Variants in PTPRK observed in about 807,000 individuals in gnomAD.
The protein encoded by PTPRK is protein tyrosine phosphatase receptor type K, also known as receptor-type tyrosine-protein phosphatase kappa.
Under a neutral mutation model 178.0 loss-of-function variants are expected in PTPRK, and 75 were observed. The observed-to-expected ratio is 0.42, with a 90% confidence interval of 0.35 to 0.51. The LOEUF is 0.51. PTPRK is among the 20% of genes least tolerant of loss of function. The pLI is 0.02. For synonymous variants in PTPRK, 637 were observed against 620.6 expected, an observed-to-expected ratio of 1.03 and a Z score of -0.39; for missense variants, 1,441 against 1,797.8, an observed-to-expected ratio of 0.80 and a Z score of 3.59.
intron 1 of PTPRK, among the ~76,000 whole-genome samples, chr6:128,436,183 A>G (rs1845576521): frequency 6.6e-6 from 1 of 152,130 alleles, no homozygotes; most frequent in South Asian, 2.1e-4. Flanking sequence ...GATAGTCCCC[A>G]AAAGACTGGT....
intron 1 of PTPRK, among the ~76,000 whole-genome samples, chr6:128,417,419 G>A (rs1842969773): frequency 6.6e-6 from 1 of 152,134 alleles, no homozygotes; most frequent in African/African-American, 2.4e-5. Context: ...CCTCCAAAGA[G>A]AAGTTTATAC....
chr6:128,300,147 G>A (rs966562387), intron 3 of PTPRK, among the ~76,000 whole-genome samples: 1 of 152,066 alleles, frequency 6.6e-6, no homozygotes, highest in East Asian at 1.9e-4. Flanking sequence ...GCCAACAGAG[G>A]AATGCAAATC....
chr6:128,440,151 G>A (rs1846095585), intron 1 of PTPRK, among the ~76,000 whole-genome samples: 1 of 152,154 alleles, frequency 6.6e-6, no homozygotes, highest in South Asian at 2.1e-4. Context: ...ATGGATTTTG[G>A]TATGGGCAAG....
At chr6:128,116,915 G>GGC (rs1292680053) in intron 7 of PTPRK, among the ~76,000 whole-genome samples, 1 of 152,166 alleles carries the variant, frequency 6.6e-6, no homozygotes, top group Non-Finnish European at 1.5e-5. Context: ...GGGAGGCCGA[G>GGC]GCGTGTGGAT....
chr6:128,241,948 ATT>A (rs1202951832), intron 4 of PTPRK, among the ~76,000 whole-genome samples: 14 of 126,210 alleles, frequency 1.1e-4, no homozygotes, highest in African/African-American at 1.2e-4. Context: ...CGCCTGGCTA[ATT>A]TTTTTTTTTT....
intron 7 of PTPRK, among the ~76,000 whole-genome samples, chr6:128,098,389 C>T (rs1463592946): frequency 6.6e-6 from 1 of 152,076 alleles, no homozygotes; most frequent in Non-Finnish European, 1.5e-5. Flanking sequence ...TGCTAGTTGT[C>T]AGCCTATATC....
At chr6:128,253,662 C>T (rs1816835144) in intron 3 of PTPRK, among the ~76,000 whole-genome samples, 1 of 152,194 alleles carries the variant, frequency 6.6e-6, no homozygotes, top group Non-Finnish European at 1.5e-5. Flanking sequence ...AAGTAGATCA[C>T]TTCACCTGCA....
chr6:128,188,978 C>G (rs1044260929), intron 6 of PTPRK, among the ~76,000 whole-genome samples: 2 of 152,074 alleles, frequency 1.3e-5, no homozygotes, highest in Admixed American at 1.3e-4. Context: ...CACCTGCAAA[C>G]ATCATTTTTC....
At chr6:128,230,287 G>C (rs1295442641) in intron 5 of PTPRK, among the ~76,000 whole-genome samples, 1 of 152,142 alleles carries the variant, frequency 6.6e-6, no homozygotes, top group East Asian at 1.9e-4. Context: ...GCGAGGAAAG[G>C]AATAAAGGAC....
chr6:128,446,845 A>G (rs746552031), intron 1 of PTPRK, among the ~76,000 whole-genome samples: 2 of 152,210 alleles, frequency 1.3e-5, no homozygotes, highest in Non-Finnish European at 2.9e-5. Context: ...CTTTTCTAAC[A>G]ACTGCAATCT....
intron 2 of PTPRK, among the ~76,000 whole-genome samples, chr6:128,388,499 T>G (rs1839094031): frequency 6.6e-6 from 1 of 152,210 alleles, no homozygotes; most frequent in Admixed American, 6.6e-5. Context: ...TTACTTGCAC[T>G]GGAAAAGGCA....
Position 128,322,155 on chromosome 6 carries a change from C to A in PTPRK, c.379G>T (p.Val127Phe), listed in dbSNP as rs771313117. The A allele has an allele frequency of 1.9e-6, 3 of 1,613,882 alleles. No homozygotes were observed. The highest frequency in any genetic ancestry group is 2.5e-6 in the Non-Finnish European group (3 of 1,179,882). Reference sequence around the variant, plus strand: ...GCAAGAGGTCCTTTATTCACCCTAACTAATATGTTCAAAGTGCCAGGATTC... The same window carrying A: ...GCAAGAGGTCCTTTATTCACCCTAAATAATATGTTCAAAGTGCCAGGATTC... ...GLNPGTLNIL[V>F]RVNKGPLANP... Residue 127 changes from valine to phenylalanine, a missense_variant, in exon 3 of 30, where the codon GTT becomes TTT. This residue lies in a region of PTPRK where 158 missense variants were observed against 188.0 expected (regional missense o/e 0.84). Coordinates refer to ENST00000368226, the MANE Select transcript of PTPRK (RefSeq NM_002844.4).
At chr6:128,112,785 G>C (rs142966704) in intron 7 of PTPRK, among the ~76,000 whole-genome samples, 1 of 152,216 alleles carries the variant, frequency 6.6e-6, no homozygotes, top group South Asian at 2.1e-4. Flanking sequence ...AGCACATAGA[G>C]TTCAGAGGCC....
At chr6:128,315,031 A>G (rs1276820213) in intron 3 of PTPRK, among the ~76,000 whole-genome samples, 1 of 152,004 alleles carries the variant, frequency 6.6e-6, no homozygotes, top group Non-Finnish European at 1.5e-5. Flanking sequence ...AAACAAAGGA[A>G]CAACAACCAA....
intron 7 of PTPRK, among the ~76,000 whole-genome samples, 189 bp from the exon 8 acceptor site, chr6:128,090,181 C>T (rs1199483683): frequency 6.6e-6 from 1 of 152,038 alleles, no homozygotes; most frequent in Non-Finnish European, 1.5e-5. Context: ...GATTTAACAA[C>T]AGGAAAAGAA....
chr6:128,373,184 T>C (rs1056283887), intron 2 of PTPRK, among the ~76,000 whole-genome samples: 1 of 152,210 alleles, frequency 6.6e-6, no homozygotes, highest in Non-Finnish European at 1.5e-5. Context: ...TTTTTCTATA[T>C]ACTATTTAAA....
At chr6:128,341,733 A>G (rs1831687526) in intron 2 of PTPRK, among the ~76,000 whole-genome samples, 1 of 152,204 alleles carries the variant, frequency 6.6e-6, no homozygotes, top group Non-Finnish European at 1.5e-5. Flanking sequence ...TTCCTTTTCA[A>G]GTTGATTACC....
intron 23 of PTPRK, 29 bp downstream of exon 23, chr6:127,983,213 A>C (rs11438238): frequency 1.6e-5 from 24 of 1,529,646 alleles, no homozygotes; most frequent in East Asian, 2.4e-5. Flanking sequence ...AAAAATAAAA[A>C]AAAGTCCACT....
chr6:128,354,231 G>GATTTTTTTTTTTTT (rs1562341681), intron 2 of PTPRK, among the ~76,000 whole-genome samples: 2 of 49,358 alleles, frequency 4.1e-5, no homozygotes, highest in African/African-American at 1.9e-4. Flanking sequence ...TTTTGTTTAT[G>GATTTTTTTTTTTTT]TTTTTTTTTT....
Sources: gnomAD v4.1 joint callset for allele counts (sites outside exome capture counted in the v4.1 genomes callset) on GRCh38, gnomAD v4.1.1 for gene constraint, gnomAD v4.1.1 regional missense constraint, MANE v1.5 for transcripts, NCBI Gene and HGNC (gene_info 2026-07-23, HGNC 2026-07-21) for gene names.